NECAB1: variants seen among roughly 807,000 people sequenced by gnomAD.
NECAB1 encodes the protein N-terminal EF-hand calcium-binding protein 1.
In NECAB1, 29 loss-of-function variants were observed where a neutral mutation model predicts 57.5. The observed-to-expected ratio is 0.50, with a 90% CI of 0.38 to 0.69. The LOEUF (loss-of-function observed/expected upper bound fraction) is 0.69. NECAB1 is among the 30% of genes least tolerant of loss of function. The pLI is 0.00. For synonymous variants in NECAB1, 142 were observed against 147.7 expected (o/e 0.96, Z 0.28); for missense variants, 372 against 413.8 (o/e 0.90, Z 0.88).
chr8:90,889,641 T>C (rs1809103888), intron 5 of NECAB1, among the ~76,000 whole-genome samples: 1 of 152,220 alleles, frequency 6.6e-6, no homozygotes, highest in South Asian at 2.1e-4. Flanking sequence ...TGCTGACACA[T>C]TCCAAGGAAA....
At chr8:90,908,327 A>G (rs1362463606) in intron 5 of NECAB1, among the ~76,000 whole-genome samples, 1 of 152,172 alleles carries the variant, frequency 6.6e-6, no homozygotes, top group Non-Finnish European at 1.5e-5. Context: ...GTGATATTTT[A>G]TCATCAATAT....
At chr8:90,909,015 C>T (rs1159095908) in intron 5 of NECAB1, among the ~76,000 whole-genome samples, 1 of 152,082 alleles carries the variant, frequency 6.6e-6, no homozygotes, top group South Asian at 2.1e-4. Flanking sequence ...GGTGCTTATG[C>T]TCATGGTTTA....
intron 3 of NECAB1, among the ~76,000 whole-genome samples, chr8:90,855,465 G>A (rs960013632): frequency 6.6e-6 from 1 of 152,164 alleles, no homozygotes; most frequent in African/African-American, 2.4e-5. Flanking sequence ...GGATTAAGGA[G>A]TCATTATGGT....
At chr8:90,937,835 A>T (rs1177508815) in intron 9 of NECAB1, among the ~76,000 whole-genome samples, 5 of 152,182 alleles carry the variant, frequency 3.3e-5, no homozygotes, top group Non-Finnish European at 4.4e-5. Context: ...CTACACCCAT[A>T]TAAAATCGAC....
intron 6 of NECAB1, among the ~76,000 whole-genome samples, chr8:90,923,938 A>T (rs1810195679): frequency 6.6e-6 from 1 of 152,170 alleles, no homozygotes; most frequent in African/African-American, 2.4e-5. Flanking sequence ...AAAGCAGAAA[A>T]ATTATCAAAG....
intron 3 of NECAB1, among the ~76,000 whole-genome samples, chr8:90,839,494 C>T (rs1334903961): frequency 6.6e-6 from 1 of 152,170 alleles, no homozygotes; most frequent in Non-Finnish European, 1.5e-5. Flanking sequence ...CAAGCAATAA[C>T]TTGATTAATT....
intron 5 of NECAB1, among the ~76,000 whole-genome samples, chr8:90,899,873 T>C (rs946801720): frequency 2.6e-5 from 4 of 152,180 alleles, no homozygotes; most frequent in African/African-American, 4.8e-5. Flanking sequence ...AGAATAGTTC[T>C]GAAAATATTA....
chr8:90,860,236 T>TCC (rs1429793325), intron 3 of NECAB1, among the ~76,000 whole-genome samples: 1 of 117,528 alleles, frequency 8.5e-6, no homozygotes, highest in African/African-American at 4.2e-5. Flanking sequence ...TTTCTTTTTT[T>TCC]TCTTTTTTTT....
intron 6 of NECAB1, among the ~76,000 whole-genome samples, chr8:90,922,538 G>C (rs1052030750): frequency 1.8e-5 from 2 of 109,084 alleles, no homozygotes; most frequent in Non-Finnish European, 3.5e-5. Flanking sequence ...TGTAGCCCAC[G>C]ATGGAGTGCA....
rs981945520 is a variant in NECAB1 at position 90,957,632 on chromosome 8, T to C, written c.*2120T>C. ...GTGTGAGTGTGTATTCACATACACA[T>C]ATATACTGGAACCTATAGTAGAAAA... On this transcript the variant is annotated 3_prime_UTR_variant, in exon 13 of 13. Coordinates refer to ENST00000417640, the MANE Select transcript of NECAB1 (RefSeq NM_022351.5). 7.0e-6 allele frequency: 1 copy of C among 142,400 alleles called. No individual in the cohort carries two copies. The highest frequency in any genetic ancestry group is 1.5e-5 in the Non-Finnish European group (1 of 65,750). The allele number at this position is 142,400 out of a possible 1,614,324, so 8.8% of individuals were successfully genotyped here.
Position 90,852,448 on chromosome 8 carries a change from C to T in NECAB1, c.234-19680C>T, listed in dbSNP as rs1402775314. On this transcript the variant is annotated intron_variant, in intron 3 of 12. Transcript: ENST00000417640. Reference sequence around the variant, plus strand: ...GATAGGGACAGGAGGCAGAGTAATTCTAGGCAGAAGAGGCAGGTCCCTGAC... The same window carrying T: ...GATAGGGACAGGAGGCAGAGTAATTTTAGGCAGAAGAGGCAGGTCCCTGAC... 3.3e-5 allele frequency among the ~76,000 whole-genome samples: 5 copies of T among 152,286 alleles called. No individual in the cohort carries two copies. In the East Asian group the frequency reaches 9.7e-4, roughly 29 times the overall value.
intron 3 of NECAB1, among the ~76,000 whole-genome samples, chr8:90,849,686 ATTTTTT>A (rs34779201): frequency 1.2e-5 from 1 of 84,132 alleles, no homozygotes; most frequent in African/African-American, 4.1e-5. Context: ...GTTTCCAGTA[ATTTTTT>A]TTTTTTTTTT....
intron 6 of NECAB1, among the ~76,000 whole-genome samples, chr8:90,923,809 G>T (rs1432409218): frequency 6.6e-6 from 1 of 152,166 alleles, no homozygotes; most frequent in Non-Finnish European, 1.5e-5. Context: ...TCTGAGGAAG[G>T]TTGAAATATA....
At position 90,958,990 on chromosome 8, in the gene NECAB1, C is replaced by G; in HGVS notation, c.*3478C>G. The G allele has an allele frequency of 7.1e-7, 1 of 1,405,238 alleles. No individual in the cohort carries two copies. The highest frequency in any genetic ancestry group is 9.6e-7 in the Non-Finnish European group (1 of 1,046,380). The allele number at this position is 1,405,238 out of a possible 1,614,324, so 87.0% of individuals were successfully genotyped here. On this transcript the variant is annotated 3_prime_UTR_variant, in exon 13 of 13. Transcript: ENST00000417640. ...ATTTGCAGATGTCCAAACTTAAATT[C>G]ATCTGTTCTTAAAATGCTACTTAAA...
chr8:90,813,891 C>A (rs1272805427), intron 2 of NECAB1, among the ~76,000 whole-genome samples: 1 of 152,102 alleles, frequency 6.6e-6, no homozygotes, highest in African/African-American at 2.4e-5. Flanking sequence ...ACCAAGTTTC[C>A]CTTGTTATTA....
intron 5 of NECAB1, among the ~76,000 whole-genome samples, chr8:90,905,984 C>T (rs902048033): frequency 6.6e-6 from 1 of 152,058 alleles, no homozygotes; most frequent in African/African-American, 2.4e-5. Flanking sequence ...TTTTCATTAC[C>T]CTTTTTATGT....
intron 3 of NECAB1, among the ~76,000 whole-genome samples, chr8:90,864,449 C>T (rs1386868700): frequency 2.0e-5 from 3 of 152,032 alleles, no homozygotes; most frequent in African/African-American, 7.2e-5. Flanking sequence ...ATGTATGTCC[C>T]ATGTGAGGGA....
intron 4 of NECAB1, among the ~76,000 whole-genome samples, chr8:90,874,262 T>C (rs1586075240): frequency 6.6e-6 from 1 of 152,230 alleles, no homozygotes; most frequent in African/African-American, 2.4e-5. Flanking sequence ...AGATTTCATA[T>C]GTTCTTTCCT....
intron 2 of NECAB1, among the ~76,000 whole-genome samples, chr8:90,820,311 G>T (rs186683042): frequency 1.4e-3 from 207 of 151,966 alleles, no homozygotes; most frequent in African/African-American, 4.7e-3. Context: ...ATCAGAAGAG[G>T]TATTTTATTT....
Sources: allele counts gnomAD v4.1 joint callset (sites outside exome capture counted in the v4.1 genomes callset), GRCh38; gene constraint gnomAD v4.1.1; transcripts MANE v1.5; gene names NCBI Gene and HGNC (gene_info 2026-07-23, HGNC 2026-07-21).